PTPRG: variants seen among roughly 807,000 people sequenced by gnomAD.
The protein encoded by PTPRG is receptor-type tyrosine-protein phosphatase gamma.
Under a neutral mutation model 165.3 loss-of-function variants are expected in PTPRG, and 102 were observed. The ratio of observed to expected loss-of-function variants is 0.62; its 90% CI spans 0.53 to 0.73. The LOEUF is 0.73. Among genes scored for constraint, PTPRG ranks in the 30% least tolerant of loss-of-function variants. PTPRG has a pLI of 0.00. For synonymous variants in PTPRG, 675 were observed against 669.5 expected (o/e 1.01, Z -0.13); for missense variants, 1,866 against 1,861.4 (o/e 1.00, Z -0.05).
intron 1 of PTPRG, among the ~76,000 whole-genome samples, chr3:61,599,368 G>A (rs1700785568): frequency 6.6e-6 from 1 of 152,118 alleles, no homozygotes; most frequent in South Asian, 2.1e-4. Flanking sequence ...GACTGGTCTC[G>A]AACTCCTGAC....
chr3:62,080,532 T>TG (rs1369755087), intron 5 of PTPRG, among the ~76,000 whole-genome samples: 1 of 152,196 alleles, frequency 6.6e-6, no homozygotes, highest in African/African-American at 2.4e-5. Flanking sequence ...TCTGCTCCTG[T>TG]GGCCCTGCCG....
At chr3:62,084,383 A>G (rs749584045) in intron 5 of PTPRG, among the ~76,000 whole-genome samples, 1 of 152,206 alleles carries the variant, frequency 6.6e-6, no homozygotes, top group Middle Eastern at 3.2e-3. Context: ...ATTTTTATTT[A>G]AATTCTACCC....
intron 1 of PTPRG, chr3:61,743,089 C>T (rs951321101): frequency 8.3e-6 from 13 of 1,558,008 alleles, no homozygotes; most frequent in East Asian, 2.3e-5. Context: ...CAGGGTGTTG[C>T]GAGAGACTGC....
intron 4 of PTPRG, among the ~76,000 whole-genome samples, chr3:62,075,174 C>T (rs771703737): frequency 2.0e-4 from 30 of 152,130 alleles, no homozygotes; most frequent in Admixed American, 1.9e-3. Context: ...TGAAAATGCC[C>T]TTGAAGAGGT....
In PTPRG at chr3:61,677,019, G is replaced by C. The variant is rs533194513; in HGVS notation, c.86-71859G>C. ...CCCAGCACTTTGGGAGGCTGAGGCG[G>C]GTGGATCACAAGGTTAGGAGTTTGA... On this transcript the variant is annotated intron_variant, in intron 1 of 29. Coordinates refer to ENST00000474889, the MANE Select transcript of PTPRG (RefSeq NM_002841.4). 3.9e-5 allele frequency among the ~76,000 whole-genome samples: 6 copies of C among 152,182 alleles called. No individual in the cohort carries two copies. The East Asian group carries it at 1.2e-3, about 29-fold the overall frequency.
At chr3:61,742,340 T>C (rs897232191) in intron 1 of PTPRG, 13 of 658,514 alleles carry the variant, frequency 2.0e-5, no homozygotes, top group Non-Finnish European at 2.7e-5. Flanking sequence ...TGCGTTGATA[T>C]CTTCAGTAGT....
chr3:61,979,525 G>A (rs1190309399), intron 2 of PTPRG, among the ~76,000 whole-genome samples: 1 of 152,096 alleles, frequency 6.6e-6, no homozygotes, highest in Non-Finnish European at 1.5e-5. Flanking sequence ...AGATAGTTAG[G>A]TCAGAAGGCC....
intron 2 of PTPRG, among the ~76,000 whole-genome samples, chr3:61,841,911 C>G (rs143922891): frequency 6.6e-6 from 1 of 152,116 alleles, no homozygotes; most frequent in Non-Finnish European, 1.5e-5. Context: ...ATAAAAATCC[C>G]GATGGTGGAA....
intron 2 of PTPRG, among the ~76,000 whole-genome samples, chr3:61,821,041 C>G (rs2035939272): frequency 6.6e-6 from 1 of 152,076 alleles, no homozygotes; most frequent in African/African-American, 2.4e-5. Context: ...CAGTATTCTC[C>G]TCAGCATAGA....
At chr3:61,696,722 T>C (rs1049094583) in intron 1 of PTPRG, among the ~76,000 whole-genome samples, 1 of 152,186 alleles carries the variant, frequency 6.6e-6, no homozygotes, top group African/African-American at 2.4e-5. Context: ...GAGCCCTAGC[T>C]TTTTTCAATG....
intron 3 of PTPRG, among the ~76,000 whole-genome samples, chr3:62,000,353 G>T (rs917668781): frequency 6.6e-6 from 1 of 151,430 alleles, no homozygotes; most frequent in African/African-American, 2.4e-5. Context: ...GTTTCTGCCT[G>T]TATATTCTTA....
At chr3:62,110,709 T>C (rs1423676294) in intron 5 of PTPRG, among the ~76,000 whole-genome samples, 4 of 152,216 alleles carry the variant, frequency 2.6e-5, no homozygotes, top group African/African-American at 4.8e-5. Flanking sequence ...CAGTATTCTG[T>C]TCTATACAAT....
intron 4 of PTPRG, among the ~76,000 whole-genome samples, chr3:62,057,305 G>C (rs997082527): frequency 2.6e-5 from 4 of 152,182 alleles, no homozygotes; most frequent in Non-Finnish European, 4.4e-5. Context: ...TCTGACTTAA[G>C]ACTTACCCAC....
intron 5 of PTPRG, among the ~76,000 whole-genome samples, chr3:62,128,889 G>T (rs1019606742): frequency 6.6e-6 from 1 of 151,814 alleles, no homozygotes; most frequent in Non-Finnish European, 1.5e-5. Context: ...TTCAGTTAGG[G>T]TTATGCCTGA....
In PTPRG at chr3:62,273,081, G is replaced by C; in HGVS notation, c.3318G>C (p.Glu1106Asp). 1 of 1,606,030 alleles carries C rather than the reference G, an allele frequency of 6.2e-7. No homozygotes were observed. Among genetic ancestry groups the C allele is most frequent in the Non-Finnish European group, 8.5e-7 (1 of 1,177,326 alleles). Residue 1106 changes from glutamate (E) to aspartate (D), a missense_variant and splice_region_variant, in exon 22 of 30, where the codon GAG becomes GAC. Around this residue, in one of 3 missense-constraint regions of PTPRG, gnomAD observed 1,452 missense variants for 1,463.0 expected, o/e 0.99. Coordinates refer to ENST00000474889, the MANE Select transcript of PTPRG (RefSeq NM_002841.4). The surrounding 1 kb of genome is among the most constrained non-coding windows in gnomAD (Gnocchi z 4.1). ...RTQRNYLVQT[E>D]EQYIFIHDAL... ...AGCGTAACTACCTCGTCCAGACTGA[G>C]GTAAGGAGTAGCTGCCAGCGTCCTC...
intron 8 of PTPRG, 44 bp from the exon 9 acceptor site, chr3:62,191,425 C>T: frequency 6.3e-7 from 1 of 1,586,400 alleles, no homozygotes; most frequent in South Asian, 1.1e-5. Flanking sequence ...TTGAATGGCG[C>T]ATTGTTCTGA....
intron 1 of PTPRG, among the ~76,000 whole-genome samples, chr3:61,600,721 G>A (rs2106845858): frequency 6.6e-6 from 1 of 152,044 alleles, no homozygotes; most frequent in East Asian, 1.9e-4. Flanking sequence ...TAATTTTTTT[G>A]TGGAGATAGA....
chr3:62,109,511 T>G (rs983966584), intron 5 of PTPRG, among the ~76,000 whole-genome samples: 1 of 152,128 alleles, frequency 6.6e-6, no homozygotes, highest in South Asian at 2.1e-4. Flanking sequence ...TTGCCCAGGA[T>G]TGTCTTGGTT....
chr3:61,672,122 G>A (rs910286882), intron 1 of PTPRG, among the ~76,000 whole-genome samples: 2 of 150,244 alleles, frequency 1.3e-5, no homozygotes, highest in Non-Finnish European at 3.0e-5. Flanking sequence ...TCAGACGATG[G>A]GCGGCCGGGC....
Sources: gnomAD v4.1 joint callset for allele counts (sites outside exome capture counted in the v4.1 genomes callset) on GRCh38, gnomAD v4.1.1 for gene constraint, gnomAD v4.1.1 regional missense constraint, Gnocchi (gnomAD v3.1) non-coding constraint, MANE v1.5 for transcripts, NCBI Gene and HGNC (gene_info 2026-07-23, HGNC 2026-07-21) for gene names.